The following GRIA1 variants were observed in gnomAD, a reference collection of about 807,000 sequenced individuals.
GRIA1 encodes the protein glutamate ionotropic receptor AMPA type subunit 1.
Under a neutral mutation model 99.2 loss-of-function variants are expected in GRIA1, and 31 were observed. The ratio of observed to expected loss-of-function variants is 0.31; its 90% CI spans 0.23 to 0.42. GRIA1 has a LOEUF of 0.42. Among genes scored for constraint, GRIA1 ranks in the 10% least tolerant of loss-of-function variants. GRIA1 has a pLI of 1.00. For synonymous variants in GRIA1, 438 were observed against 432.4 expected (o/e 1.01, Z -0.16); for missense variants, 782 against 1,157.5 (o/e 0.68, Z 4.71).
intron 9 of GRIA1, among the ~76,000 whole-genome samples, chr5:153,698,481 G>A (rs1488222576): frequency 6.6e-6 from 1 of 152,166 alleles, no homozygotes; most frequent in Admixed American, 6.5e-5. Flanking sequence ...TTCAAAGAAA[G>A]TCCAATACAT....
At chr5:153,508,385 T>A (rs1040440005) in intron 2 of GRIA1, among the ~76,000 whole-genome samples, 25 of 152,040 alleles carry the variant, frequency 1.6e-4, no homozygotes, top group African/African-American at 5.8e-4. Context: ...ATTTAAAAAG[T>A]CACATGTGGC....
chr5:153,669,584 C>G lies in GRIA1; in HGVS notation c.700-4916C>G, dbSNP rs568386712. ...GGATGATATCTAAGATACATTAGAG[C>G]TATCTGAGGATCGATTTTTATTTTT... On this transcript the variant is annotated intron_variant, in intron 5 of 15. Coordinates refer to ENST00000285900, the MANE Select transcript of GRIA1 (RefSeq NM_000827.4). Among the ~76,000 whole-genome samples, 19 of 152,214 alleles carry G rather than the reference C, an allele frequency of 1.2e-4. 1 individual carries two copies. The highest frequency in any genetic ancestry group is 4.6e-4 in the African/African-American group (19 of 41,540).
chr5:153,577,183 TGGA>T (rs1762645920), intron 2 of GRIA1, among the ~76,000 whole-genome samples: 1 of 145,270 alleles, frequency 6.9e-6, no homozygotes. Context: ...GATGGATGGA[TGGA>T]TGGATGGATG....
Position 153,701,619 on chromosome 5 carries a change from C to CAAAAAAAAAAAAAAAAAAAAA in GRIA1, c.1452+2549_1452+2569dup, listed in dbSNP as rs70978504. 2.9e-3 allele frequency among the ~76,000 whole-genome samples: 113 copies of CAAAAAAAAAAAAAAAAAAAAA among 39,382 alleles called. 22 individuals are homozygous for CAAAAAAAAAAAAAAAAAAAAA. Among genetic ancestry groups the CAAAAAAAAAAAAAAAAAAAAA allele is most frequent in the East Asian group, 0.019 (10 of 538 alleles). The allele number at this position is 39,382 out of a possible 152,430, so 25.8% of individuals were successfully genotyped here. On this transcript the variant is annotated intron_variant, in intron 10 of 15. Transcript: ENST00000285900. ...CTGGGCGACAAAGCGAGACCCGTCT[C>CAAAAAAAAAAAAAAAAAAAAA]AAAAAAAAAAAAAAAAAAAAAAATA...
In GRIA1 at chr5:153,759,376, C is replaced by T. The variant is rs774105537; in HGVS notation, c.1824-5058C>T. Among the ~76,000 whole-genome samples the T allele has an allele frequency of 9.2e-5, 14 of 151,590 alleles. No homozygotes were observed. In the South Asian group the frequency reaches 2.1e-3, roughly 23 times the overall value. ...ATAAAATTATAAATGAAAAAGGAGACGTTAAAATTGATACCACAGAAATAT... is the reference window on the plus strand; with the variant it reads ...ATAAAATTATAAATGAAAAAGGAGATGTTAAAATTGATACCACAGAAATAT... On this transcript the variant is annotated intron_variant, in intron 11 of 15. Transcript: ENST00000285900.
At chr5:153,667,705 C>CTTAACAGAGGTTAAGTA (rs1445909907) in intron 5 of GRIA1, among the ~76,000 whole-genome samples, 2 of 152,174 alleles carry the variant, frequency 1.3e-5, no homozygotes, top group Non-Finnish European at 2.9e-5. Flanking sequence ...AACCAGTAGA[C>CTTAACAGAGGTTAAGTA]ACATATAATC....
intron 2 of GRIA1, among the ~76,000 whole-genome samples, chr5:153,540,879 C>T (rs931805978): frequency 1.1e-4 from 16 of 152,090 alleles, no homozygotes; most frequent in African/African-American, 3.6e-4. Flanking sequence ...TCTGAGGCAA[C>T]AAAAGGCTTG....
At chr5:153,612,964 T>G (rs1401124770) in intron 2 of GRIA1, among the ~76,000 whole-genome samples, 2 of 152,182 alleles carry the variant, frequency 1.3e-5, no homozygotes, top group East Asian at 1.9e-4. Context: ...ACTTATTTAT[T>G]TTTTATTTTC....
intron 5 of GRIA1, among the ~76,000 whole-genome samples, chr5:153,664,164 G>A (rs1443173983): frequency 6.6e-6 from 1 of 152,178 alleles, no homozygotes; most frequent in African/African-American, 2.4e-5. Context: ...TACAATGGGA[G>A]GGAAATGGAG....
At chr5:153,587,862 C>A (rs1007875025) in intron 2 of GRIA1, among the ~76,000 whole-genome samples, 1 of 152,272 alleles carries the variant, frequency 6.6e-6, no homozygotes, top group Non-Finnish European at 1.5e-5. Flanking sequence ...AAATAACCAC[C>A]TGCATAAATG....
intron 11 of GRIA1, among the ~76,000 whole-genome samples, chr5:153,707,415 G>A (rs1758979959): frequency 6.6e-6 from 1 of 152,174 alleles, no homozygotes; most frequent in African/African-American, 2.4e-5. Flanking sequence ...ACTACATTCT[G>A]GATGTGCATG....
chr5:153,613,931 C>T (rs923215792), intron 2 of GRIA1, among the ~76,000 whole-genome samples: 10 of 152,156 alleles, frequency 6.6e-5, no homozygotes, highest in Admixed American at 5.2e-4. Context: ...GCTGCATCAG[C>T]CACCTCTCCA....
At chr5:153,662,478 G>T (rs1212003972) in intron 5 of GRIA1, among the ~76,000 whole-genome samples, 2 of 152,170 alleles carry the variant, frequency 1.3e-5, no homozygotes, top group African/African-American at 4.8e-5. Flanking sequence ...GTGATCAGAG[G>T]CCAGGGAGGC....
chr5:153,685,327 C>T (rs1011965629), intron 7 of GRIA1, among the ~76,000 whole-genome samples: 2 of 152,186 alleles, frequency 1.3e-5, no homozygotes, highest in African/African-American at 4.8e-5. Context: ...GCAGCAAGCT[C>T]AACCTTAAAT....
chr5:153,585,275 T>C (rs910297064), intron 2 of GRIA1, among the ~76,000 whole-genome samples: 47 of 149,778 alleles, frequency 3.1e-4, no homozygotes, highest in Non-Finnish European at 1.5e-4. Flanking sequence ...TCTCTCCCTT[T>C]ATTTTTCTTT....
chr5:153,539,057 G>A (rs550226221), intron 2 of GRIA1, among the ~76,000 whole-genome samples: 1 of 152,170 alleles, frequency 6.6e-6, no homozygotes, highest in South Asian at 2.1e-4. Context: ...TAACTAGCTG[G>A]CCAGGGCTGA....
chr5:153,549,075 G>A (rs1289085333), intron 2 of GRIA1, among the ~76,000 whole-genome samples: 1 of 152,114 alleles, frequency 6.6e-6, no homozygotes, highest in Non-Finnish European at 1.5e-5. Context: ...AGATATTTAG[G>A]TAGCAAACAG....
chr5:153,797,918 C>T (rs1765750851), intron 14 of GRIA1, among the ~76,000 whole-genome samples: 1 of 152,164 alleles, frequency 6.6e-6, no homozygotes, highest in African/African-American at 2.4e-5. Flanking sequence ...ACACGAGCTC[C>T]TTTTTTGCAT....
intron 2 of GRIA1, among the ~76,000 whole-genome samples, chr5:153,643,605 A>G (rs1363673): frequency 0.41 from 62,964 of 151,962 alleles, 14,034 homozygotes; most frequent in Non-Finnish European, 0.5. Context: ...CTGTTGCTTA[A>G]GTTTGGCTGA....
Sources: allele counts gnomAD v4.1 joint callset (sites outside exome capture counted in the v4.1 genomes callset), GRCh38; gene constraint gnomAD v4.1.1; transcripts MANE v1.5; gene names NCBI Gene and HGNC (gene_info 2026-07-23, HGNC 2026-07-21).